The following FYN variants were observed in gnomAD, a reference collection of about 807,000 sequenced individuals.
FYN encodes FYN proto-oncogene, Src family tyrosine kinase.
A neutral mutation model predicts 70.2 loss-of-function variants in FYN; 10 were observed. The observed-to-expected ratio is 0.14, with a 90% confidence interval of 0.09 to 0.24. The LOEUF is 0.24. Among genes scored for constraint, FYN ranks in the 10% least tolerant of loss-of-function variants. The pLI, the probability that FYN is intolerant of heterozygous loss-of-function variation, is 1.00. For synonymous variants in FYN, 236 were observed against 248.6 expected (o/e 0.95, Z 0.48); for missense variants, 319 against 673.1 (o/e 0.47, Z 5.82).
At chr6:111,704,223 T>G in intron 6 of FYN, 121 bp from the exon 7 acceptor site, 1 of 699,248 alleles carries the variant, frequency 1.4e-6, no homozygotes. Context: ...AACCTTTCCC[T>G]GGATGTATTT....
At chr6:111,872,930 C>A (rs1774330231) in intron 1 of FYN, 38 bp downstream of exon 1, 1 of 149,944 alleles carries the variant, frequency 6.7e-6, no homozygotes. Context: ...CGCAGCATCC[C>A]CGAGGCCTCC....
chr6:111,861,545 G>C (rs1171969621), intron 1 of FYN, among the ~76,000 whole-genome samples: 1 of 151,508 alleles, frequency 6.6e-6, no homozygotes, highest in African/African-American at 2.4e-5. Context: ...CAACAGTAAA[G>C]CACCAGGTAC....
intron 13 of FYN, among the ~76,000 whole-genome samples, chr6:111,673,622 G>GTTTTTTTTTT (rs71021858): frequency 0.24 from 27,729 of 114,912 alleles, 4,583 homozygotes; most frequent in Non-Finnish European, 0.29. Context: ...TTCTATCATT[G>GTTTTTTTTTT]TTTTTTTTTT....
At chr6:111,723,519 T>C (rs1279075098) in intron 3 of FYN, among the ~76,000 whole-genome samples, 1 of 152,160 alleles carries the variant, frequency 6.6e-6, no homozygotes, top group Non-Finnish European at 1.5e-5. Context: ...CAATGACACA[T>C]AGGAAGAAGT....
At chr6:111,713,549 C>A (rs72940277) in intron 5 of FYN, among the ~76,000 whole-genome samples, 7 of 152,024 alleles carry the variant, frequency 4.6e-5, no homozygotes, top group Admixed American at 3.3e-4. Context: ...CCCACCCCCC[C>A]ACACTTTCTT....
chr6:111,700,061 C>T, intron 9 of FYN, 43 bp downstream of exon 9: 2 of 1,584,920 alleles, frequency 1.3e-6, no homozygotes, highest in Non-Finnish European at 1.7e-6. Flanking sequence ...TGGGATCTTC[C>T]AAACGGGGAA....
chr6:111,704,386 C>G (rs978473964), intron 6 of FYN, among the ~76,000 whole-genome samples: 1 of 152,156 alleles, frequency 6.6e-6, no homozygotes, highest in Non-Finnish European at 1.5e-5. Flanking sequence ...AAACTGCCAC[C>G]TGTATGCAAA....
intron 3 of FYN, among the ~76,000 whole-genome samples, chr6:111,748,313 G>A (rs1311362523): frequency 6.6e-6 from 1 of 152,188 alleles, no homozygotes; most frequent in Non-Finnish European, 1.5e-5. Context: ...AGCTGGTAAG[G>A]GAACTTTTGA....
intron 3 of FYN, among the ~76,000 whole-genome samples, chr6:111,741,600 C>A: frequency 8.0e-6 from 1 of 125,094 alleles, no homozygotes; most frequent in Non-Finnish European, 1.7e-5. Flanking sequence ...CATGGTCATT[C>A]TAAGAAAATG....
chr6:111,783,635 C>T (rs886316280), intron 2 of FYN, among the ~76,000 whole-genome samples: 7 of 152,130 alleles, frequency 4.6e-5, no homozygotes, highest in African/African-American at 1.7e-4. Flanking sequence ...TGTATGACTC[C>T]CGGTATAAAG....
intron 2 of FYN, among the ~76,000 whole-genome samples, chr6:111,802,473 C>T (rs1772020054): frequency 1.3e-5 from 2 of 151,936 alleles, no homozygotes; most frequent in Non-Finnish European, 2.9e-5. Flanking sequence ...CGCTCTATTG[C>T]CCAGGCTGGA....
At chr6:111,824,266 C>T (rs1772763956) in intron 2 of FYN, among the ~76,000 whole-genome samples, 1 of 152,202 alleles carries the variant, frequency 6.6e-6, no homozygotes, top group African/African-American at 2.4e-5. Context: ...AAGCTCATTT[C>T]ACTCTGCTCT....
intron 2 of FYN, among the ~76,000 whole-genome samples, chr6:111,786,843 G>T (rs1453970343): frequency 2.0e-5 from 3 of 152,076 alleles, no homozygotes; most frequent in Non-Finnish European, 2.9e-5. Context: ...TCATGTGTCT[G>T]TTGGCTGCAG....
At chr6:111,715,039 G>A (rs1800563944) in intron 4 of FYN, among the ~76,000 whole-genome samples, 1 of 152,022 alleles carries the variant, frequency 6.6e-6, no homozygotes, top group Non-Finnish European at 1.5e-5. Context: ...GCTGAAAATG[G>A]AACCCTCTCC....
intron 12 of FYN, among the ~76,000 whole-genome samples, chr6:111,682,283 C>T (rs539419258): frequency 8.5e-5 from 13 of 152,268 alleles, no homozygotes; most frequent in East Asian, 1.9e-4. Flanking sequence ...TCCTTTCATA[C>T]GACAGCACAG....
At chr6:111,737,367 T>C (rs1348763414) in intron 3 of FYN, among the ~76,000 whole-genome samples, 1 of 152,210 alleles carries the variant, frequency 6.6e-6, no homozygotes, top group Non-Finnish European at 1.5e-5. Context: ...TGGTATGTGC[T>C]TCTAACCCAC....
At chr6:111,663,018 AG>A (rs1167829750) in intron 13 of FYN, among the ~76,000 whole-genome samples, 3 of 152,244 alleles carry the variant, frequency 2.0e-5, no homozygotes, top group Non-Finnish European at 4.4e-5. Flanking sequence ...TTAACACTAC[AG>A]GAACTACCAT....
At chr6:111,699,540 C>G in intron 9 of FYN, 1 of 1,614,120 alleles carries the variant, frequency 6.2e-7, no homozygotes, top group Non-Finnish European at 8.5e-7. Context: ...CGAAACACCC[C>G]TGACCCAGCT....
intron 2 of FYN, among the ~76,000 whole-genome samples, chr6:111,786,003 CTTTT>C (rs36023146): frequency 2.6e-5 from 4 of 151,554 alleles, no homozygotes; most frequent in African/African-American, 9.7e-5. Flanking sequence ...TGAACTCATT[CTTTT>C]TTTATGGCTG....
Sources: gnomAD v4.1 joint callset for allele counts (sites outside exome capture counted in the v4.1 genomes callset) on GRCh38, gnomAD v4.1.1 for gene constraint, MANE v1.5 for transcripts, NCBI Gene and HGNC (gene_info 2026-07-23, HGNC 2026-07-21) for gene names.